Variants in STK3 observed in about 807,000 individuals in gnomAD.
STK3 encodes the protein serine/threonine kinase 3.
In STK3, 41 loss-of-function variants were observed where a neutral mutation model predicts 58.0. The ratio of observed to expected loss-of-function variants is 0.71; its 90% CI spans 0.55 to 0.92. STK3 has a LOEUF of 0.92. Ranked by LOEUF, STK3 falls within the 40% of genes least tolerant of loss-of-function variation. The pLI is 0.00. For synonymous variants in STK3, 170 were observed against 191.0 expected (o/e 0.89, Z 0.91); for missense variants, 479 against 602.7 (o/e 0.79, Z 2.15).
chr8:98,852,626 T>TA (rs1240290608), intron 3 of STK3, among the ~76,000 whole-genome samples: 4 of 152,274 alleles, frequency 2.6e-5, no homozygotes, highest in East Asian at 1.9e-4. Flanking sequence ...CCTTGAGATT[T>TA]AAAAAAAAGC....
chr8:98,705,280 G>A (rs1199008404), intron 6 of STK3, among the ~76,000 whole-genome samples: 2 of 152,022 alleles, frequency 1.3e-5, no homozygotes, highest in Admixed American at 6.6e-5. Flanking sequence ...GGGCATGGTG[G>A]TGCATACCTA....
Position 98,421,633 on chromosome 8 carries a change from A to T in STK3, n.483+12494T>A, listed in dbSNP as rs184340823. ...TCTACTAAAAATACAAAAATTAGCCAGGTGTGGTGTCAGGTGCCTATAGTC... is the reference window on the plus strand; with the variant it reads ...TCTACTAAAAATACAAAAATTAGCCTGGTGTGGTGTCAGGTGCCTATAGTC... On this transcript the variant is annotated intron_variant and non_coding_transcript_variant, in intron 3 of 3. Coordinates refer to the STK3 transcript ENST00000517832. Among the ~76,000 whole-genome samples the T allele has an allele frequency of 1.7e-3, 258 of 152,104 alleles. 1 individual carries two copies. The highest frequency in any genetic ancestry group is 2.1e-3 in the Non-Finnish European group (142 of 67,994).
intron 1 of STK3, among the ~76,000 whole-genome samples, chr8:98,385,146 G>A (rs1239655549): frequency 6.6e-6 from 1 of 151,976 alleles, no homozygotes; most frequent in African/African-American, 2.4e-5. Context: ...TGGGGAAGGT[G>A]TAAAAGGTTT....
intron 10 of STK3, among the ~76,000 whole-genome samples, chr8:98,482,004 A>G (rs1169839434): frequency 6.6e-6 from 1 of 152,326 alleles, no homozygotes; most frequent in Non-Finnish European, 1.5e-5. Context: ...CTGGCATCAA[A>G]GATTAACTTA....
At chr8:98,551,080 T>C (rs373598701) in intron 8 of STK3, among the ~76,000 whole-genome samples, 181 of 152,284 alleles carry the variant, frequency 1.2e-3, no homozygotes, top group African/African-American at 4.1e-3. Flanking sequence ...CTCCATATGA[T>C]GCTATGTTCA....
rs774256358 is a variant in STK3 at position 98,455,605 on chromosome 8, A to G, written c.*237T>C. The G allele has an allele frequency of 3.8e-6, 2 of 528,140 alleles. No homozygotes were observed. The highest frequency in any genetic ancestry group is 1.9e-5 in the African/African-American group (1 of 52,196). The allele number at this position is 528,140 out of a possible 1,614,324, so 32.7% of individuals were successfully genotyped here. A position where few individuals can be genotyped will look rare whatever the true frequency, so the allele number is the denominator to read the frequency against. Reference sequence around the variant, plus strand: ...CATAACAGTTTTATTACTGGTATGCAGCTGACAGAACAAGAGAATACACTT... The same window carrying G: ...CATAACAGTTTTATTACTGGTATGCGGCTGACAGAACAAGAGAATACACTT... On this transcript the variant is annotated 3_prime_UTR_variant, in exon 11 of 11. Coordinates refer to ENST00000419617, the MANE Select transcript of STK3 (RefSeq NM_006281.4).
chr8:98,850,098 T>G (rs1404599303), intron 3 of STK3, among the ~76,000 whole-genome samples: 2 of 152,222 alleles, frequency 1.3e-5, no homozygotes, highest in African/African-American at 2.4e-5. Flanking sequence ...CAAGGTGAAG[T>G]CTATAATTCA....
At chr8:98,569,501 G>A (rs1472602162) in intron 8 of STK3, among the ~76,000 whole-genome samples, 2 of 151,900 alleles carry the variant, frequency 1.3e-5, no homozygotes, top group Non-Finnish European at 2.9e-5. Flanking sequence ...AAAAAGTACG[G>A]CATTAATAAA....
Position 98,428,952 on chromosome 8 carries a change from AG to A in STK3, n.483+5174del. 6.2e-7 allele frequency: 1 copy of A among 1,614,098 alleles called. No individual in the cohort carries two copies. Among genetic ancestry groups the A allele is most frequent in the Non-Finnish European group, 8.5e-7 (1 of 1,180,000 alleles). Reference sequence around the variant, plus strand: ...CTCCCTGGGGGCCACTTTGAAATACAGCTACAAAGAAGTAGGGCTGCTCTTG... The same window carrying A: ...CTCCCTGGGGGCCACTTTGAAATACACTACAAAGAAGTAGGGCTGCTCTTG... On this transcript the variant is annotated intron_variant and non_coding_transcript_variant, in intron 3 of 3. Transcript: ENST00000517832. This position sits in a 1 kb window ranked among gnomAD's most constrained non-coding sequence, Gnocchi z 6.7.
chr8:98,934,617 A>G (rs751269658), intron 1 of STK3, among the ~76,000 whole-genome samples: 2 of 152,216 alleles, frequency 1.3e-5, no homozygotes, highest in African/African-American at 2.4e-5. Flanking sequence ...GCCAACACAT[A>G]TAAGATGACA....
chr8:98,705,626 A>G (rs1353945293), intron 6 of STK3, among the ~76,000 whole-genome samples: 2 of 152,042 alleles, frequency 1.3e-5, no homozygotes, highest in South Asian at 4.1e-4. Flanking sequence ...TTTACTTCAC[A>G]TTCCTCCAGC....
chr8:98,896,897 T>G (rs1193888325), intron 1 of STK3, among the ~76,000 whole-genome samples: 1 of 152,110 alleles, frequency 6.6e-6, no homozygotes, highest in Non-Finnish European at 1.5e-5. Flanking sequence ...GAGGATAGCT[T>G]GAGCCCAATA....
chr8:98,578,996 C>T (rs1345839803), intron 8 of STK3, among the ~76,000 whole-genome samples: 4 of 151,856 alleles, frequency 2.6e-5, no homozygotes, highest in Admixed American at 2.0e-4. Flanking sequence ...ATTAAAAATA[C>T]AAAAATTAGC....
intron 10 of STK3, among the ~76,000 whole-genome samples, chr8:98,472,527 C>A (rs1404693599): frequency 6.6e-6 from 1 of 152,152 alleles, no homozygotes; most frequent in Non-Finnish European, 1.5e-5. Context: ...CATTGTATCA[C>A]ATGAACCTCA....
Position 98,856,155 on chromosome 8 carries a change from C to CAA in STK3, c.110+27490_110+27491dup, listed in dbSNP as rs60632558. On this transcript the variant is annotated intron_variant, in intron 3 of 12. Transcript: ENST00000523601. ...GGGCGAAAAGAGAGAGACTCCATCT[C>CAA]AAAAAAAAAAAAAAAAAAAAAAGGC... Among the ~76,000 whole-genome samples, 86 of 53,824 alleles carry CAA rather than the reference C, an allele frequency of 1.6e-3. 2 individuals carry two copies. The South Asian group carries it at 0.019, about 12-fold the overall frequency. 35.3% of individuals were successfully genotyped at this position (53,824 alleles called of 152,430 possible). A position where few individuals can be genotyped will look rare whatever the true frequency, so the allele number is the denominator to read the frequency against.
chr8:98,903,076 C>T (rs948055877), intron 1 of STK3, among the ~76,000 whole-genome samples: 1 of 152,222 alleles, frequency 6.6e-6, no homozygotes, highest in Non-Finnish European at 1.5e-5. Flanking sequence ...TTCTGCATCT[C>T]CATCTTTCAG....
rs1040377170 is a variant in STK3 at position 98,598,541 on chromosome 8, A to G, written c.685-2372T>C. 4 of 985,258 alleles carry G rather than the reference A, an allele frequency of 4.1e-6. No homozygotes were observed. The African/African-American group carries it at 7.0e-5, about 17-fold the overall frequency. The allele number at this position is 985,258 out of a possible 1,614,324, so 61.0% of individuals were successfully genotyped here. ...TAGATTTTCTTGACAGCCTTACTGT[A>G]CTAATTTAACTAATTTAACCTAATA... On this transcript the variant is annotated intron_variant, in intron 6 of 10. Coordinates refer to ENST00000419617, the MANE Select transcript of STK3 (RefSeq NM_006281.4).
intron 1 of STK3, among the ~76,000 whole-genome samples, chr8:98,922,280 G>T (rs1839595260): frequency 1.3e-5 from 2 of 152,186 alleles, no homozygotes; most frequent in Admixed American, 1.3e-4. Flanking sequence ...AGAGGAAAAT[G>T]CAACACCTAA....
At chr8:98,932,737 T>C (rs1431113905) in intron 1 of STK3, among the ~76,000 whole-genome samples, 1 of 152,220 alleles carries the variant, frequency 6.6e-6, no homozygotes, top group Non-Finnish European at 1.5e-5. Context: ...CCAATGCTCC[T>C]GGTCCTCCAG....
Sources: gnomAD v4.1 joint callset for allele counts (sites outside exome capture counted in the v4.1 genomes callset) on GRCh38, gnomAD v4.1.1 for gene constraint, Gnocchi (gnomAD v3.1) non-coding constraint, MANE v1.5 for transcripts, NCBI Gene and HGNC (gene_info 2026-07-23, HGNC 2026-07-21) for gene names.